Variants in CAPSL observed in about 807,000 individuals in gnomAD.
CAPSL encodes the protein calcyphosin-like protein.
Under a neutral mutation model 21.3 loss-of-function variants are expected in CAPSL, and 17 were observed. That is an observed-to-expected ratio of 0.80 (90% CI 0.55 to 1.20). The LOEUF (loss-of-function observed/expected upper bound fraction) is 1.20, where lower values mean the gene tolerates loss of function less well. CAPSL is among the 50% of genes most tolerant of loss of function. The probability of loss-of-function intolerance (pLI) is 0.00; values close to 1 mark genes in which losing one functional copy is unlikely to be tolerated. For missense variants in CAPSL, 289 were observed against 259.3 expected (o/e 1.11, Z -0.79); for synonymous variants, 102 against 89.3 (o/e 1.14, Z -0.80).
At chr5:35,937,579 C>T (rs1055393036) in intron 1 of CAPSL, among the ~76,000 whole-genome samples, 13 of 152,112 alleles carry the variant, frequency 8.5e-5, no homozygotes, top group African/African-American at 2.2e-4. Context: ...AATTCGTTTT[C>T]GAATTACTTG....
At chr5:35,930,509 C>CTG (rs1397391583) in intron 1 of CAPSL, among the ~76,000 whole-genome samples, 5 of 152,178 alleles carry the variant, frequency 3.3e-5, no homozygotes, top group Admixed American at 6.5e-5. Flanking sequence ...AAGAGGCACA[C>CTG]AGTCTCAGAA....
chr5:35,929,138 A>T (rs1561443746), intron 1 of CAPSL, among the ~76,000 whole-genome samples: 1 of 152,108 alleles, frequency 6.6e-6, no homozygotes, highest in African/African-American at 2.4e-5. Context: ...CTTTACATAT[A>T]TCCACACATT....
At position 35,904,294 on chromosome 5, in the gene CAPSL, C is replaced by G; in HGVS notation, c.*251G>C. On this transcript the variant is annotated 3_prime_UTR_variant, in exon 5 of 5. Transcript: ENST00000651391. The stretch of plus-strand genomic sequence containing the variant: ...GCATGTATCAGCACAGCACTAGGAG[C>G]TTTACAGAGCTCATTTTATTTAAGT... The G allele has an allele frequency of 1.9e-6, 1 of 523,442 alleles. No individual in the cohort carries two copies. Among genetic ancestry groups the G allele is most frequent in the South Asian group, 2.5e-5 (1 of 40,410 alleles). The allele number at this position is 523,442 out of a possible 1,614,324, so 32.4% of individuals were successfully genotyped here.
At chr5:35,929,755 A>G (rs1296726920) in intron 1 of CAPSL, among the ~76,000 whole-genome samples, 1 of 152,200 alleles carries the variant, frequency 6.6e-6, no homozygotes, top group Admixed American at 6.5e-5. Context: ...TCATACCAGC[A>G]GAGAGTGAGG....
intron 1 of CAPSL, among the ~76,000 whole-genome samples, chr5:35,936,992 G>A (rs1738965011): frequency 6.6e-6 from 1 of 152,146 alleles, no homozygotes; most frequent in East Asian, 1.9e-4. Context: ...GTCATTAACT[G>A]ACCATTATCC....
In CAPSL at chr5:35,921,011, C is replaced by A. The variant is rs773467327; in HGVS notation, c.110G>T (p.Gly37Val). The A allele has an allele frequency of 2.5e-6, 4 of 1,614,118 alleles. No individual in the cohort carries two copies. Among genetic ancestry groups the A allele is most frequent in the East Asian group, 2.2e-5 (1 of 44,878 alleles). The change falls in exon 2 of 5, where the codon GGC becomes GTC. Residue 37 changes from glycine (G) to valine (V), a missense_variant. By Grantham distance (109) the Gly-to-Val change is moderately radical (BLOSUM62 -3). Coordinates refer to ENST00000651391, the MANE Select transcript of CAPSL (RefSeq NM_001042625.2). ...ERLRLQCLAR[G>V]SAGIKGLGRV... ...GCCAAGTCCTTTGATCCCAGCAGAGCCCCTGGCCAGGCACTGCAGTCGGAG... is the reference window on the plus strand; with the variant it reads ...GCCAAGTCCTTTGATCCCAGCAGAGACCCTGGCCAGGCACTGCAGTCGGAG...
At chr5:35,906,269 CCA>C (rs1474028501) in intron 4 of CAPSL, among the ~76,000 whole-genome samples, 5 of 152,172 alleles carry the variant, frequency 3.3e-5, no homozygotes, top group African/African-American at 1.2e-4. Flanking sequence ...GAGACTCCCT[CCA>C]CATCCACTGT....
intron 1 of CAPSL, among the ~76,000 whole-genome samples, chr5:35,930,577 G>A (rs1738795067): frequency 6.6e-6 from 1 of 152,064 alleles, no homozygotes; most frequent in African/African-American, 2.4e-5. Context: ...CTCCTTAAAT[G>A]GTGCACCCTA....
intron 4 of CAPSL, among the ~76,000 whole-genome samples, chr5:35,908,896 G>A (rs1286725658): frequency 6.6e-6 from 1 of 152,196 alleles, no homozygotes; most frequent in Non-Finnish European, 1.5e-5. Context: ...TTCAGAAGAG[G>A]AAGGTTTATT....
chr5:35,920,528 T>C (rs542080427), intron 2 of CAPSL, among the ~76,000 whole-genome samples: 89 of 152,296 alleles, frequency 5.8e-4, no homozygotes, highest in African/African-American at 2.0e-3. Context: ...CAGTGAGCTA[T>C]CAGTTATCTG....
chr5:35,904,426 T>TTTTTG lies in CAPSL; in HGVS notation c.*118_*119insCAAAA. On this transcript the variant is annotated 3_prime_UTR_variant, in exon 5 of 5. Transcript: ENST00000651391. ...TTTGGCCCCAGAAAATGCAATATTT[T>TTTTTG]GACACAGAAAAAAACATTAGGATGA... The TTTTTG allele has an allele frequency of 1.3e-6, 1 of 776,536 alleles. No individual in the cohort carries two copies. Among genetic ancestry groups the TTTTTG allele is most frequent in the South Asian group, 1.8e-5 (1 of 55,306 alleles). 48.1% of individuals were successfully genotyped at this position (776,536 alleles called of 1,614,324 possible). A position where few individuals can be genotyped will look rare whatever the true frequency, so the allele number is the denominator to read the frequency against.
At chr5:35,922,697 G>A (rs863781) in intron 1 of CAPSL, among the ~76,000 whole-genome samples, 27,740 of 152,132 alleles carry the variant, frequency 0.18, 3,370 homozygotes, top group East Asian at 0.51. Context: ...CATCCAACAG[G>A]GACACCTGCA....
At chr5:35,931,105 A>G (rs574511234) in intron 1 of CAPSL, among the ~76,000 whole-genome samples, 2 of 152,338 alleles carry the variant, frequency 1.3e-5, no homozygotes, top group South Asian at 2.1e-4. Context: ...TCTTTGTATT[A>G]TCTGTTTAAT....
intron 4 of CAPSL, among the ~76,000 whole-genome samples, chr5:35,907,012 C>A (rs527378942): frequency 6.6e-6 from 1 of 152,204 alleles, no homozygotes; most frequent in East Asian, 1.9e-4. Context: ...ATTCTCTGAT[C>A]TCCTGTAAAT....
intron 2 of CAPSL, among the ~76,000 whole-genome samples, chr5:35,914,871 C>A (rs76884944): frequency 0.27 from 40,354 of 151,836 alleles, 5,625 homozygotes; most frequent in African/African-American, 0.34. Flanking sequence ...GAGCAGAACT[C>A]AAGGAAATAG....
intron 1 of CAPSL, among the ~76,000 whole-genome samples, chr5:35,928,769 G>A (rs1366701005): frequency 2.6e-5 from 4 of 152,116 alleles, no homozygotes; most frequent in Non-Finnish European, 5.9e-5. Flanking sequence ...ATGGCCCCTG[G>A]CAACAAAGAA....
intron 4 of CAPSL, among the ~76,000 whole-genome samples, chr5:35,906,118 C>T (rs755774799): frequency 6.6e-4 from 101 of 152,138 alleles, no homozygotes; most frequent in Non-Finnish European, 1.2e-3. Context: ...GCCATTTTGA[C>T]GGTGCACTTT....
intron 2 of CAPSL, among the ~76,000 whole-genome samples, chr5:35,916,473 G>T (rs888052402): frequency 5.3e-5 from 8 of 152,234 alleles, no homozygotes; most frequent in Non-Finnish European, 7.4e-5. Context: ...ATACTACAAG[G>T]CTACAGTAAC....
chr5:35,912,523 A>G (rs1259442472), intron 2 of CAPSL, among the ~76,000 whole-genome samples: 1 of 152,192 alleles, frequency 6.6e-6, no homozygotes, highest in Non-Finnish European at 1.5e-5. Flanking sequence ...TTCCAGAGGA[A>G]CAATCAGGCA....
Sources: gnomAD v4.1 joint callset for allele counts (sites outside exome capture counted in the v4.1 genomes callset) on GRCh38, gnomAD v4.1.1 for gene constraint, MANE v1.5 for transcripts, NCBI Gene and HGNC (gene_info 2026-07-23, HGNC 2026-07-21) for gene names.